The following UTP23 variants were observed in gnomAD, a reference collection of about 807,000 sequenced individuals.
UTP23 encodes UTP23 small subunit processome component.
UTP23 carries 10 observed loss-of-function variants against 19.8 expected under a neutral mutation model. The ratio of observed to expected loss-of-function variants is 0.50; its 90% confidence interval spans 0.31 to 0.86. The LOEUF (loss-of-function observed/expected upper bound fraction) is 0.86. Ranked by LOEUF, UTP23 falls within the 40% of genes least tolerant of loss-of-function variation. The probability of loss-of-function intolerance (pLI) is 0.05; values close to 1 mark genes in which losing one functional copy is unlikely to be tolerated. For synonymous variants in UTP23, 108 were observed against 105.4 expected (o/e 1.02, Z -0.15); for missense variants, 282 against 293.1 (o/e 0.96, Z 0.28).
chr8:116,771,425 G>C, intron 2 of UTP23, 31 bp from the exon 3 acceptor site: 3 of 1,392,776 alleles, frequency 2.2e-6, no homozygotes, highest in Non-Finnish European at 2.8e-6. Flanking sequence ...ATTGACATTT[G>C]AACTAAATAA....
At chr8:116,770,067 A>G (rs1483685621) in intron 1 of UTP23, 125 bp from the exon 2 acceptor site, 2 of 918,032 alleles carry the variant, frequency 2.2e-6, no homozygotes, top group Non-Finnish European at 3.1e-6. Context: ...CTTTTAAAGT[A>G]AATGGTTACC....
At chr8:116,767,527 A>G (rs1374071167) in intron 1 of UTP23, among the ~76,000 whole-genome samples, 1 of 152,214 alleles carries the variant, frequency 6.6e-6, no homozygotes. Flanking sequence ...GCTTGTCGGG[A>G]TGAAGAGGAG....
intron 1 of UTP23, among the ~76,000 whole-genome samples, chr8:116,768,701 A>G (rs1586504846): frequency 1.3e-5 from 2 of 152,148 alleles, no homozygotes; most frequent in South Asian, 4.1e-4. Flanking sequence ...GTCTCACTTT[A>G]TTGCCCAGGC....
At position 116,773,870 on chromosome 8, in the gene UTP23, C is replaced by A; in HGVS notation, c.*2028C>A. The A allele has an allele frequency of 1.1e-6, 1 of 881,760 alleles. No individual in the cohort carries two copies. The highest frequency in any genetic ancestry group is 1.4e-6 in the Non-Finnish European group (1 of 735,536). The allele number at this position is 881,760 out of a possible 1,614,324, so 54.6% of individuals were successfully genotyped here. ...CTGGTTAATCATTTATGTATTTTGC[C>A]AGTAAAATTACTTTAAAAGATATTT... On this transcript the variant is annotated 3_prime_UTR_variant, in exon 3 of 3. Coordinates refer to ENST00000309822, the MANE Select transcript of UTP23 (RefSeq NM_032334.3).
In UTP23 at chr8:116,772,397, A is replaced by G; in HGVS notation, c.*555A>G. On this transcript the variant is annotated 3_prime_UTR_variant, in exon 3 of 3. Coordinates refer to ENST00000309822, the MANE Select transcript of UTP23 (RefSeq NM_032334.3). ...AGTCCCTCTTTCACATTGACAGAAGAAACTTCCTCTTTCAATTCTAGTAGT... is the reference window on the plus strand; with the variant it reads ...AGTCCCTCTTTCACATTGACAGAAGGAACTTCCTCTTTCAATTCTAGTAGT... 1.0e-6 allele frequency: 1 copy of G among 967,606 alleles called. No individual in the cohort carries two copies. 59.9% of individuals were successfully genotyped at this position (967,606 alleles called of 1,614,324 possible).
chr8:116,768,302 A>G (rs1046659481), intron 1 of UTP23, among the ~76,000 whole-genome samples: 1 of 152,144 alleles, frequency 6.6e-6, no homozygotes, highest in African/African-American at 2.4e-5. Flanking sequence ...ATTTGTCCAT[A>G]TACTCCTGTG....
At position 116,771,499 on chromosome 8, in the gene UTP23, CT is replaced by C. The variant is rs1815650312; in HGVS notation, c.408del (p.Leu137SerfsTer22). The part of the protein sequence containing the change: ...SVKVKKKPGV[P>X]LMFIIQNTMV... ...AAAGTAAAAAAGAAGCCTGGAGTTCCTCTCATGTTTATTATTCAGAACACTA... is the reference window on the plus strand; with the variant it reads ...AAAGTAAAAAAGAAGCCTGGAGTTCCCTCATGTTTATTATTCAGAACACTA... On this transcript the variant is annotated frameshift_variant, in exon 3 of 3. Transcript: ENST00000309822. LOFTEE classifies it high-confidence loss of function. The C allele has an allele frequency of 6.5e-7, 1 of 1,534,020 alleles. No individual in the cohort carries two copies. The highest frequency in any genetic ancestry group is 1.4e-5 in the African/African-American group (1 of 71,060).
chr8:116,774,419 T>G lies in UTP23; in HGVS notation c.*2577T>G, dbSNP rs200592411. 641,683 of 983,616 alleles carry G rather than the reference T, an allele frequency of 0.65. 213,275 individuals carry two copies. The highest frequency in any genetic ancestry group is 0.68 in the Non-Finnish European group (565,085 of 828,802). The allele number at this position is 983,616 out of a possible 1,614,324, so 60.9% of individuals were successfully genotyped here. A position where few individuals can be genotyped will look rare whatever the true frequency, so the allele number is the denominator to read the frequency against. ...TGATTTGACAGGTTTAATTGCTAGT[T>G]TTTTATAGGTGGATAGAAATGAATA... On this transcript the variant is annotated 3_prime_UTR_variant, in exon 3 of 3. Coordinates refer to ENST00000309822, the MANE Select transcript of UTP23 (RefSeq NM_032334.3).
Position 116,772,579 on chromosome 8 carries a change from C to T in UTP23, c.*737C>T, listed in dbSNP as rs200426842. The T allele has an allele frequency of 3.5e-4, 340 of 984,926 alleles. 1 individual carries two copies. In the Middle Eastern group the frequency reaches 8.4e-3, roughly 24 times the overall value. The allele number at this position is 984,926 out of a possible 1,614,324, so 61.0% of individuals were successfully genotyped here. On this transcript the variant is annotated 3_prime_UTR_variant, in exon 3 of 3. Coordinates refer to ENST00000309822, the MANE Select transcript of UTP23 (RefSeq NM_032334.3). ...TTTTACTCTTTGTACATCAGAAACT[C>T]AGTATTTTCATTATTATGACTAGAG...
chr8:116,770,280 C>A lies in UTP23; in HGVS notation c.277C>A (p.His93Asn). Reference protein sequence around the residue: ...AQKCQVRNCPHFKNAVSGSEC... With the variant: ...AQKCQVRNCPNFKNAVSGSEC... ...AAAATGCCAAGTTCGAAATTGTCCT[C>A]ATTTCAAGAATGCAGTGAGTGGATC... The change falls in exon 2 of 3, where the codon CAT (histidine) becomes AAT (asparagine). Residue 93 changes from histidine (H) to asparagine (N), a missense_variant. His to Asn is a moderately conservative substitution (Grantham distance 68). Transcript: ENST00000309822. The A allele has an allele frequency of 1.2e-6, 2 of 1,614,086 alleles. No individual in the cohort carries two copies. Among genetic ancestry groups the A allele is most frequent in the Non-Finnish European group, 1.7e-6 (2 of 1,179,972 alleles).
chr8:116,774,377 G>A lies in UTP23; in HGVS notation c.*2535G>A, dbSNP rs12547063. ...AAGGATCTCATGTTTCTGAATCTGC[G>A]TAAAGCAAGATGGCTGTGATTTGAC... is the stretch of plus-strand genomic sequence containing the variant. On this transcript the variant is annotated 3_prime_UTR_variant, in exon 3 of 3. Coordinates refer to ENST00000309822, the MANE Select transcript of UTP23 (RefSeq NM_032334.3). The A allele has an allele frequency of 0.059, 57,632 of 984,776 alleles. 2,471 individuals are homozygous for A. Among genetic ancestry groups the A allele is most frequent in the African/African-American group, 0.2 (11,169 of 57,204 alleles). 61.0% of individuals were successfully genotyped at this position (984,776 alleles called of 1,614,324 possible).
In UTP23 at chr8:116,773,596, A is replaced by C; in HGVS notation, c.*1754A>C. The C allele has an allele frequency of 1.6e-6, 1 of 643,174 alleles. No homozygotes were observed. The highest frequency in any genetic ancestry group is 1.9e-6 in the Non-Finnish European group (1 of 517,874). 39.8% of individuals were successfully genotyped at this position (643,174 alleles called of 1,614,324 possible). A position where few individuals can be genotyped will look rare whatever the true frequency, so the allele number is the denominator to read the frequency against. On this transcript the variant is annotated 3_prime_UTR_variant, in exon 3 of 3. Transcript: ENST00000309822. Reference sequence around the variant, plus strand: ...GGAGGCCGAGGCTGGCAGATCACAAAATTAAGAGATCAAGACCATCCTGGC... The same window carrying C: ...GGAGGCCGAGGCTGGCAGATCACAACATTAAGAGATCAAGACCATCCTGGC...
At chr8:116,770,409 A>G (rs1815636490) in intron 2 of UTP23, 43 bp downstream of exon 2, 1 of 1,554,274 alleles carries the variant, frequency 6.4e-7, no homozygotes. Context: ...CACCATTTCT[A>G]TTTATACTTC....
chr8:116,773,047 A>T lies in UTP23; in HGVS notation c.*1205A>T. 2.1e-6 allele frequency: 2 copies of T among 973,350 alleles called. No individual in the cohort carries two copies. The highest frequency in any genetic ancestry group is 2.4e-6 in the Non-Finnish European group (2 of 825,898). The allele number at this position is 973,350 out of a possible 1,614,324, so 60.3% of individuals were successfully genotyped here. A position where few individuals can be genotyped will look rare whatever the true frequency, so the allele number is the denominator to read the frequency against. ...GACAGTTCACATTTATTCCCATAGA[A>T]ATGTCATTCTCATTTGAATTCAGAG... On this transcript the variant is annotated 3_prime_UTR_variant, in exon 3 of 3. Coordinates refer to ENST00000309822, the MANE Select transcript of UTP23 (RefSeq NM_032334.3).
In UTP23 at chr8:116,772,651, G is replaced by T. The variant is rs1246636998; in HGVS notation, c.*809G>T. ...GTTCTACTTGTCCAATAAGGATGATGATTTTCTTTTAGATGTAAATGTTAA... is the reference window on the plus strand; with the variant it reads ...GTTCTACTTGTCCAATAAGGATGATTATTTTCTTTTAGATGTAAATGTTAA... On this transcript the variant is annotated 3_prime_UTR_variant, in exon 3 of 3. Coordinates refer to ENST00000309822, the MANE Select transcript of UTP23 (RefSeq NM_032334.3). 1.0e-6 allele frequency: 1 copy of T among 984,788 alleles called. No homozygotes were observed. Among genetic ancestry groups the T allele is most frequent in the Non-Finnish European group, 1.2e-6 (1 of 829,532 alleles). The allele number at this position is 984,788 out of a possible 1,614,324, so 61.0% of individuals were successfully genotyped here.
chr8:116,771,310 C>A, intron 2 of UTP23, 146 bp from the exon 3 acceptor site: 2 of 571,582 alleles, frequency 3.5e-6, no homozygotes, highest in South Asian at 6.3e-5. Context: ...TGAAATATAC[C>A]CCCATTACTC....
At position 116,772,513 on chromosome 8, in the gene UTP23, T is replaced by A; in HGVS notation, c.*671T>A. 1.0e-6 allele frequency: 1 copy of A among 984,016 alleles called. No individual in the cohort carries two copies. Among genetic ancestry groups the A allele is most frequent in the Non-Finnish European group, 1.2e-6 (1 of 828,626 alleles). 61.0% of individuals were successfully genotyped at this position (984,016 alleles called of 1,614,324 possible). ...GACTTCCTACTAGAAAGAGTGAAAT[T>A]TTGCCCATTTATACTGCACCATTTT... On this transcript the variant is annotated 3_prime_UTR_variant, in exon 3 of 3. Transcript: ENST00000309822.
Position 116,771,481 on chromosome 8 carries a change from A to G in UTP23, c.389A>G (p.Lys130Arg). 6.7e-7 allele frequency: 1 copy of G among 1,500,012 alleles called. No individual in the cohort carries two copies. The highest frequency in any genetic ancestry group is 8.9e-7 in the Non-Finnish European group (1 of 1,127,476). 92.9% of individuals were successfully genotyped at this position (1,500,012 alleles called of 1,614,324 possible). A position where few individuals can be genotyped will look rare whatever the true frequency, so the allele number is the denominator to read the frequency against. ...TQDQNLSVKV[K>R]KKPGVPLMFI... is the part of the protein sequence containing the mutation. ...GATCAGAATTTGTCTGTGAAAGTAA[A>G]AAAGAAGCCTGGAGTTCCTCTCATG... is the stretch of plus-strand genomic sequence containing the variant. The change falls in exon 3 of 3, where the codon AAA becomes AGA. Residue 130 changes from lysine (K) to arginine (R), a missense_variant. By Grantham distance (26) the Lys-to-Arg change is conservative (BLOSUM62 2). Transcript: ENST00000309822.
chr8:116,774,337 G>A lies in UTP23; in HGVS notation c.*2495G>A. ...TCACTTTAGAACAGCTTTGAAACTA[G>A]AGTTTCAAAGGTAAAAGGATCTCAT... is the stretch of plus-strand genomic sequence containing the variant. On this transcript the variant is annotated 3_prime_UTR_variant, in exon 3 of 3. Coordinates refer to ENST00000309822, the MANE Select transcript of UTP23 (RefSeq NM_032334.3). 1.0e-6 allele frequency: 1 copy of A among 985,066 alleles called. No homozygotes were observed. Among genetic ancestry groups the A allele is most frequent in the South Asian group, 4.7e-5 (1 of 21,286 alleles). 61.0% of individuals were successfully genotyped at this position (985,066 alleles called of 1,614,324 possible). A position where few individuals can be genotyped will look rare whatever the true frequency, so the allele number is the denominator to read the frequency against.
Sources: gnomAD v4.1 joint callset for allele counts (sites outside exome capture counted in the v4.1 genomes callset) on GRCh38, gnomAD v4.1.1 for gene constraint, MANE v1.5 for transcripts, NCBI Gene and HGNC (gene_info 2026-07-23, HGNC 2026-07-21) for gene names.